Variants in FBLN1 observed in about 807,000 individuals in gnomAD.
FBLN1 encodes fibulin-1.
FBLN1 carries 34 observed loss-of-function variants against 89.7 expected under a neutral mutation model. That is an observed-to-expected ratio of 0.38 (90% CI 0.29 to 0.50). The LOEUF (loss-of-function observed/expected upper bound fraction) is 0.50, where lower values mean the gene tolerates loss of function less well. Ranked by LOEUF, FBLN1 falls within the 20% of genes least tolerant of loss-of-function variation. The probability of loss-of-function intolerance (pLI) is 0.92; values close to 1 mark genes in which losing one functional copy is unlikely to be tolerated. For missense variants in FBLN1, 777 were observed against 988.1 expected (o/e 0.79, Z 2.86); for synonymous variants, 393 against 391.3 (o/e 1.00, Z -0.05).
rs991457907 is a variant in FBLN1, at chr22:45,597,551, G to T, written c.1973-2756G>T. Among the ~76,000 whole-genome samples, 1 of 152,176 alleles carries T rather than the reference G, an allele frequency of 6.6e-6. No homozygotes were observed. The highest frequency in any genetic ancestry group is 2.4e-5 in the African/African-American group (1 of 41,440). ...ACATACAGGGGGCCCACGGGGGTAC[G>T]TTAGGTTCAGCCCTGTAAGCCCACA... On this transcript the variant is annotated intron_variant, in intron 16 of 16. Transcript: ENST00000327858. The surrounding 1 kb of genome is among the most constrained non-coding windows in gnomAD (Gnocchi z 4.2).
chr22:45,591,657 C>T (rs546888330), intron 16 of FBLN1, among the ~76,000 whole-genome samples: 1 of 152,158 alleles, frequency 6.6e-6, no homozygotes, highest in Non-Finnish European at 1.5e-5. Context: ...CAGAGAAGAC[C>T]AGGTTTCGGG....
In FBLN1 at chr22:45,583,370, C is replaced by G. The variant is rs1055966691; in HGVS notation, c.1972+6262C>G. On this transcript the variant is annotated intron_variant, in intron 16 of 16. Transcript: ENST00000327858. This position sits in a 1 kb window ranked among gnomAD's most constrained non-coding sequence, Gnocchi z 4.5. ...AGTCCACATGATCGAAGGGTGGATG[C>G]TTACCTTAGACAGCTGCTCACCTTA... Among the ~76,000 whole-genome samples the G allele has an allele frequency of 1.3e-5, 2 of 152,142 alleles. No individual in the cohort carries two copies. The highest frequency in any genetic ancestry group is 4.8e-5 in the African/African-American group (2 of 41,438).
intron 1 of FBLN1, among the ~76,000 whole-genome samples, chr22:45,513,492 G>A (rs2088128828): frequency 6.6e-6 from 1 of 151,958 alleles, no homozygotes; most frequent in Non-Finnish European, 1.5e-5. Flanking sequence ...GGGATTACAG[G>A]CGTGAGCCAC....
At chr22:45,566,813 G>T (rs1226410396) in intron 14 of FBLN1, among the ~76,000 whole-genome samples, 1 of 152,200 alleles carries the variant, frequency 6.6e-6, no homozygotes, top group Non-Finnish European at 1.5e-5. Context: ...CAGAACCTGT[G>T]CTTTCCTGGT....
In FBLN1 at chr22:45,597,896, G is replaced by C. The variant is rs2089199922; in HGVS notation, c.1973-2411G>C. ...AACATAAGCCCAGAGAGCGAAAGGG[G>C]GGAACGTTGTGCCCAGATTCTCTTT... is the stretch of plus-strand genomic sequence containing the variant. On this transcript the variant is annotated intron_variant, in intron 16 of 16. Coordinates refer to ENST00000327858, the MANE Select transcript of FBLN1 (RefSeq NM_006486.3). The surrounding 1 kb of genome is among the most constrained non-coding windows in gnomAD (Gnocchi z 4.2). Among the ~76,000 whole-genome samples the C allele has an allele frequency of 2.6e-5, 4 of 152,142 alleles. No individual in the cohort carries two copies. The highest frequency in any genetic ancestry group is 2.1e-4 in the South Asian group (1 of 4,826).
intron 3 of FBLN1, among the ~76,000 whole-genome samples, chr22:45,527,332 C>T (rs6007076): frequency 0.025 from 3,754 of 152,256 alleles, 142 homozygotes; most frequent in African/African-American, 0.086. Context: ...CTTGATGACT[C>T]GTCTTGAAGT....
At position 45,549,838 on chromosome 22, in the gene FBLN1, C is replaced by T. The variant is rs1447947592; in HGVS notation, c.1574-654C>T. Among the ~76,000 whole-genome samples the T allele has an allele frequency of 6.6e-6, 1 of 152,184 alleles. No individual in the cohort carries two copies. Among genetic ancestry groups the T allele is most frequent in the Non-Finnish European group, 1.5e-5 (1 of 68,020 alleles). On this transcript the variant is annotated intron_variant, in intron 13 of 16. Coordinates refer to ENST00000327858, the MANE Select transcript of FBLN1 (RefSeq NM_006486.3). The surrounding 1 kb of genome is among the most constrained non-coding windows in gnomAD (Gnocchi z 5.7). ...TCAGTGTGGTGCCCCAGGCCCCATC[C>T]CAGGAGTCCCAGACCTGGTGGTTCC...
At chr22:45,582,025 T>A (rs1447065704) in intron 16 of FBLN1, among the ~76,000 whole-genome samples, 1 of 152,152 alleles carries the variant, frequency 6.6e-6, no homozygotes, top group Non-Finnish European at 1.5e-5. Context: ...TTTAACCCAC[T>A]GGGCCTCCTG....
At position 45,575,816 on chromosome 22, in the gene FBLN1, G is replaced by C. The variant is rs562835771; in HGVS notation, c.1841-1161G>C. 6.6e-6 allele frequency among the ~76,000 whole-genome samples: 1 copy of C among 152,278 alleles called. No individual in the cohort carries two copies. Among genetic ancestry groups the C allele is most frequent in the South Asian group, 2.1e-4 (1 of 4,826 alleles). ...ACCTCGCTTCCTGGCTGTGCTGCCC[G>C]TGTGCCCGGTCCCCAACCACCCCCG... On this transcript the variant is annotated intron_variant, in intron 15 of 16. Transcript: ENST00000327858. The surrounding 1 kb of genome is among the most constrained non-coding windows in gnomAD (Gnocchi z 6.3).
Position 45,581,847 on chromosome 22 carries a change from A to C in FBLN1, c.1972+4739A>C, listed in dbSNP as rs551712985. On this transcript the variant is annotated intron_variant, in intron 16 of 16. Transcript: ENST00000327858. This position sits in a 1 kb window ranked among gnomAD's most constrained non-coding sequence, Gnocchi z 7.6. Reference sequence around the variant, plus strand: ...ATGAGAGGCAGGGAGCCAGGAAGGGAGGGCACAGCCTGCGGTTTGGGGCTG... The same window carrying C: ...ATGAGAGGCAGGGAGCCAGGAAGGGCGGGCACAGCCTGCGGTTTGGGGCTG... Among the ~76,000 whole-genome samples the C allele has an allele frequency of 6.6e-6, 1 of 152,068 alleles. No individual in the cohort carries two copies. Among genetic ancestry groups the C allele is most frequent in the African/African-American group, 2.4e-5 (1 of 41,484 alleles).
intron 11 of FBLN1, among the ~76,000 whole-genome samples, chr22:45,546,391 A>G (rs906220994): frequency 1.2e-4 from 18 of 151,836 alleles, no homozygotes; most frequent in Non-Finnish European, 2.2e-4. Context: ...TAATTCTTGT[A>G]TTTTTAGTAG....
chr22:45,576,937 C>G lies in FBLN1; in HGVS notation c.1841-40C>G, dbSNP rs2089002377. On this transcript the variant is annotated intron_variant, in intron 15 of 16. Transcript: ENST00000327858. This position sits in a 1 kb window ranked among gnomAD's most constrained non-coding sequence, Gnocchi z 5.2. ...ACGAGGCTGGGACTGGGGCTGGGGC[C>G]AGGCTGTGCTGAGCCCTTCTCCATT... 1.2e-6 allele frequency: 2 copies of G among 1,611,584 alleles called. No individual in the cohort carries two copies. The highest frequency in any genetic ancestry group is 1.3e-5 in the African/African-American group (1 of 74,926).
At chr22:45,516,999 C>T (rs1451477544) in intron 1 of FBLN1, among the ~76,000 whole-genome samples, 2 of 152,216 alleles carry the variant, frequency 1.3e-5, no homozygotes, top group African/African-American at 4.8e-5. Flanking sequence ...CTGCTGAGAA[C>T]GGGATGGAGC....
At chr22:45,517,212 A>C (rs1482254592) in intron 1 of FBLN1, 1 of 248,362 alleles carries the variant, frequency 4.0e-6, no homozygotes, top group African/African-American at 2.3e-5. Flanking sequence ...TTTACCCTCT[A>C]GGGGCTGGAA....
chr22:45,540,504 C>T (rs1338016082), intron 8 of FBLN1, among the ~76,000 whole-genome samples: 2 of 152,234 alleles, frequency 1.3e-5, no homozygotes, highest in Non-Finnish European at 1.5e-5. Flanking sequence ...TCTTTGTTCC[C>T]CCATACCAGA....
intron 12 of FBLN1, 74 bp downstream of exon 12, chr22:45,547,278 C>T: frequency 1.3e-6 from 2 of 1,582,350 alleles, no homozygotes; most frequent in Non-Finnish European, 1.7e-6. Context: ...CGGCCTCTGA[C>T]TTTCAAAATC....
chr22:45,554,773 C>A (rs1470261534), intron 14 of FBLN1, among the ~76,000 whole-genome samples: 1 of 152,236 alleles, frequency 6.6e-6, no homozygotes, highest in Non-Finnish European at 1.5e-5. Context: ...CGCACCTGGG[C>A]CCTGCTTCCT....
chr22:45,505,032 C>A (rs1021658980), intron 1 of FBLN1, among the ~76,000 whole-genome samples: 3 of 152,192 alleles, frequency 2.0e-5, no homozygotes, highest in African/African-American at 7.2e-5. Context: ...AGCTGTGGGG[C>A]CGCAGATGGT....
chr22:45,527,532 G>A (rs2088344848), intron 3 of FBLN1, among the ~76,000 whole-genome samples: 1 of 152,086 alleles, frequency 6.6e-6, no homozygotes, highest in Admixed American at 6.5e-5. Context: ...ATGTGTGCGA[G>A]CAGAGCCGGG....
Sources: gnomAD v4.1 joint callset for allele counts (sites outside exome capture counted in the v4.1 genomes callset) on GRCh38, gnomAD v4.1.1 for gene constraint, Gnocchi (gnomAD v3.1) non-coding constraint, MANE v1.5 for transcripts, NCBI Gene and HGNC (gene_info 2026-07-23, HGNC 2026-07-21) for gene names.